The following HECTD4 variants were observed in gnomAD, a reference collection of about 807,000 sequenced individuals.
HECTD4 encodes the protein HECT domain E3 ubiquitin protein ligase 4, also known as probable E3 ubiquitin-protein ligase HECTD4.
Under a neutral mutation model 471.5 loss-of-function variants are expected in HECTD4, and 114 were observed. The ratio of observed to expected loss-of-function variants is 0.24; its 90% CI spans 0.21 to 0.28. The LOEUF (loss-of-function observed/expected upper bound fraction) is 0.28. Among genes scored for constraint, HECTD4 ranks in the 10% least tolerant of loss-of-function variants. The pLI, the probability that HECTD4 is intolerant of heterozygous loss-of-function variation, is 1.00. For missense variants in HECTD4, 3,866 were observed against 5,651.5 expected (o/e 0.68, Z 10.13); for synonymous variants, 2,012 against 2,256.0 (o/e 0.89, Z 3.07).
At chr12:112,254,230 G>A (rs980140930) in intron 21 of HECTD4, 68 bp from the exon 22 acceptor site, 3 of 1,569,280 alleles carry the variant, frequency 1.9e-6, no homozygotes, top group Non-Finnish European at 2.6e-6. Flanking sequence ...AAATAAAAAG[G>A]CTGCAAAAAC....
At position 112,208,016 on chromosome 12, in the gene HECTD4, A is replaced by G; in HGVS notation, c.8005-16T>C. ...AGTGGTCCTCCTGGAAGCAGAAGGA[A>G]CCTCATGAACAGAGAAGGAATATCT... On this transcript the variant is annotated splice_polypyrimidine_tract_variant and intron_variant, in intron 51 of 75. Transcript: ENST00000682272. The G allele has an allele frequency of 6.2e-7, 1 of 1,610,532 alleles. No homozygotes were observed. The highest frequency in any genetic ancestry group is 8.5e-7 in the Non-Finnish European group (1 of 1,178,250).
In HECTD4 at chr12:112,282,154, T is replaced by A. The variant is rs1051585224; in HGVS notation, c.1528+956A>T. On this transcript the variant is annotated intron_variant, in intron 8 of 75. Coordinates refer to ENST00000682272, the MANE Select transcript of HECTD4 (RefSeq NM_001388303.1). Reference sequence around the variant, plus strand: ...ATCCCAGCACTTTGGGAGGCCAAGGTGGGCGGATCACGAGGTCAGGAGATC... The same window carrying A: ...ATCCCAGCACTTTGGGAGGCCAAGGAGGGCGGATCACGAGGTCAGGAGATC... 2.0e-5 allele frequency among the ~76,000 whole-genome samples: 3 copies of A among 151,946 alleles called. No individual in the cohort carries two copies. In the East Asian group the frequency reaches 5.8e-4, roughly 29 times the overall value.
At chr12:112,356,724 G>T (rs905028371) in intron 1 of HECTD4, among the ~76,000 whole-genome samples, 1 of 152,018 alleles carries the variant, frequency 6.6e-6, no homozygotes, top group Non-Finnish European at 1.5e-5. Context: ...TGAGCCACCA[G>T]GTCAGGCCCC....
At chr12:112,226,354 T>G (rs1207552242) in intron 44 of HECTD4, 4 of 262,150 alleles carry the variant, frequency 1.5e-5, no homozygotes, top group Non-Finnish European at 2.9e-5. Flanking sequence ...AATATTATAG[T>G]TCTAATAGGT....
At chr12:112,283,021 C>T (rs2034676111) in intron 8 of HECTD4, 89 bp downstream of exon 8, 2 of 1,023,112 alleles carry the variant, frequency 2.0e-6, no homozygotes, top group Non-Finnish European at 2.8e-6. Flanking sequence ...AAGGAAAGGG[C>T]TTTGTACAGC....
At chr12:112,358,860 C>G (rs1046592875) in intron 1 of HECTD4, among the ~76,000 whole-genome samples, 5 of 152,128 alleles carry the variant, frequency 3.3e-5, no homozygotes, top group African/African-American at 4.8e-5. Context: ...TCTCAACAAA[C>G]ACACATTCTA....
chr12:112,346,114 G>C (rs1165020291), intron 1 of HECTD4, among the ~76,000 whole-genome samples: 1 of 152,142 alleles, frequency 6.6e-6, no homozygotes, highest in Non-Finnish European at 1.5e-5. Context: ...CCATTTCACA[G>C]GTGAGAAAAC....
chr12:112,367,931 C>A (rs1245861297), intron 1 of HECTD4, among the ~76,000 whole-genome samples: 1 of 149,458 alleles, frequency 6.7e-6, no homozygotes, highest in Non-Finnish European at 1.5e-5. Flanking sequence ...AGACTTTACA[C>A]AGTAGAAATC....
chr12:112,344,918 CA>C (rs548073348), intron 1 of HECTD4, among the ~76,000 whole-genome samples: 5 of 150,574 alleles, frequency 3.3e-5, no homozygotes, highest in Non-Finnish European at 7.4e-5. Context: ...AACTCCGTCT[CA>C]AAAAAAGAAA....
intron 50 of HECTD4, among the ~76,000 whole-genome samples, chr12:112,209,331 T>TG (rs2032691350): frequency 6.6e-6 from 1 of 151,922 alleles, no homozygotes; most frequent in African/African-American, 2.4e-5. Context: ...ATAAAAGTTT[T>TG]TTTTTTTTTT....
In HECTD4 at chr12:112,172,714, C is replaced by T. The variant is rs762893813; in HGVS notation, c.11742G>A (p.Leu3914=). The change falls in exon 67 of 76, where the codon CTG becomes CTA. Residue 3914 remains leucine (L), a synonymous_variant. Transcript: ENST00000682272. ...PARLHPHEVY[L]DPADAADPRV... is the part of the protein sequence containing the mutation. ...TGGGGTCAGCAGCATCCGCGGGGTCCAGGTACACCTCATGGGGATGGAGCC... is the reference window on the plus strand; with the variant it reads ...TGGGGTCAGCAGCATCCGCGGGGTCTAGGTACACCTCATGGGGATGGAGCC... The T allele has an allele frequency of 6.8e-6, 11 of 1,614,000 alleles. No individual in the cohort carries two copies. The highest frequency in any genetic ancestry group is 9.3e-6 in the Non-Finnish European group (11 of 1,179,898).
At chr12:112,282,374 CT>C (rs2034664832) in intron 8 of HECTD4, among the ~76,000 whole-genome samples, 1 of 151,794 alleles carries the variant, frequency 6.6e-6, no homozygotes, top group Non-Finnish European at 1.5e-5. Context: ...CAGAGCAAGA[CT>C]CCATCTCAAA....
At chr12:112,336,198 G>A (rs978238829) in intron 1 of HECTD4, among the ~76,000 whole-genome samples, 1 of 152,166 alleles carries the variant, frequency 6.6e-6, no homozygotes, top group Non-Finnish European at 1.5e-5. Flanking sequence ...CTGCAAGGCA[G>A]AAAGTTTGTG....
chr12:112,252,545 G>T lies in HECTD4; in HGVS notation c.3448-17C>A. The T allele has an allele frequency of 6.3e-7, 1 of 1,599,374 alleles. No homozygotes were observed. Among genetic ancestry groups the T allele is most frequent in the Non-Finnish European group, 8.5e-7 (1 of 1,174,462 alleles). ...TCCTTCCACCTTAAAATTTAAGGAA[G>T]GGGGGGAAATGCACTTTAAAAACAA... On this transcript the variant is annotated splice_polypyrimidine_tract_variant and intron_variant, in intron 22 of 75. Coordinates refer to ENST00000682272, the MANE Select transcript of HECTD4 (RefSeq NM_001388303.1).
intron 7 of HECTD4, among the ~76,000 whole-genome samples, chr12:112,300,451 A>T (rs947693460): frequency 6.6e-6 from 1 of 152,012 alleles, no homozygotes; most frequent in Non-Finnish European, 1.5e-5. Context: ...TTTGTATATT[A>T]TTTTTTTACA....
chr12:112,323,136 G>A lies in HECTD4; in HGVS notation c.178-3394C>T, dbSNP rs182222147. On this transcript the variant is annotated intron_variant, in intron 1 of 75. Transcript: ENST00000682272. ...CTCATGCCTGTTATCCCAGCACTTA[G>A]GGAGGAGGAGGTGGGAGGATCACTT... 2.0e-3 allele frequency: 350 copies of A among 172,662 alleles called. 1 individual carries two copies. Among genetic ancestry groups the A allele is most frequent in the Non-Finnish European group, 2.2e-3 (180 of 82,376 alleles). The allele number at this position is 172,662 out of a possible 1,614,324, so 10.7% of individuals were successfully genotyped here.
At chr12:112,318,898 TCTG>T (rs1251196917) in intron 2 of HECTD4, among the ~76,000 whole-genome samples, 1 of 152,230 alleles carries the variant, frequency 6.6e-6, no homozygotes, top group Non-Finnish European at 1.5e-5. Flanking sequence ...CATAACATCC[TCTG>T]CTAACTACTT....
intron 7 of HECTD4, among the ~76,000 whole-genome samples, chr12:112,298,870 A>C (rs2035100526): frequency 6.8e-6 from 1 of 148,032 alleles, no homozygotes; most frequent in African/African-American, 2.5e-5. Flanking sequence ...TGACAGAGTG[A>C]GACTCCATCT....
At position 112,239,294 on chromosome 12, in the gene HECTD4, T is replaced by C; in HGVS notation, c.5106-58A>G. On this transcript the variant is annotated intron_variant, in intron 33 of 75. Coordinates refer to ENST00000682272, the MANE Select transcript of HECTD4 (RefSeq NM_001388303.1). The surrounding 1 kb of genome is among the most constrained non-coding windows in gnomAD (Gnocchi z 4.9). Reference sequence around the variant, plus strand: ...CGTAACTGACCGACACTCAGGAAACTCTCATGTGAGGTTCAAAGGGGCATA... The same window carrying C: ...CGTAACTGACCGACACTCAGGAAACCCTCATGTGAGGTTCAAAGGGGCATA... 5 of 1,483,600 alleles carry C rather than the reference T, an allele frequency of 3.4e-6. No individual in the cohort carries two copies. The highest frequency in any genetic ancestry group is 4.5e-6 in the Non-Finnish European group (5 of 1,100,948). 91.9% of individuals were successfully genotyped at this position (1,483,600 alleles called of 1,614,324 possible).
Sources: gnomAD v4.1 joint callset for allele counts (sites outside exome capture counted in the v4.1 genomes callset) on GRCh38, gnomAD v4.1.1 for gene constraint, Gnocchi (gnomAD v3.1) non-coding constraint, MANE v1.5 for transcripts, NCBI Gene and HGNC (gene_info 2026-07-23, HGNC 2026-07-21) for gene names.